The following CEP295 variants were observed in gnomAD, a reference collection of about 807,000 sequenced individuals.
CEP295 encodes centrosomal protein of 295 kDa.
A neutral mutation model predicts 291.6 loss-of-function variants in CEP295; 190 were observed. The observed-to-expected ratio is 0.65, with a 90% CI of 0.58 to 0.73. The LOEUF (loss-of-function observed/expected upper bound fraction) is 0.73, where lower values mean the gene tolerates loss of function less well. Ranked by LOEUF, CEP295 falls within the 30% of genes least tolerant of loss-of-function variation. CEP295 has a pLI of 0.00. For missense variants in CEP295, 2,863 were observed against 2,949.4 expected (o/e 0.97, Z 0.68); for synonymous variants, 993 against 1,038.8 (o/e 0.96, Z 0.85).
At chr11:93,664,845 T>G (rs1237323007) in intron 1 of CEP295, among the ~76,000 whole-genome samples, 2 of 152,210 alleles carry the variant, frequency 1.3e-5, no homozygotes, top group Non-Finnish European at 2.9e-5. Flanking sequence ...TGTGAAATAT[T>G]ACCTGGTAGT....
At chr11:93,669,798 G>A (rs1256032593) in intron 5 of CEP295, 28 bp downstream of exon 5, 3 of 1,383,400 alleles carry the variant, frequency 2.2e-6, no homozygotes, top group Non-Finnish European at 3.0e-6. Flanking sequence ...GAGGAACTAG[G>A]TCATAATTCT....
chr11:93,716,639 C>T (rs1425938962), intron 18 of CEP295, among the ~76,000 whole-genome samples: 1 of 152,212 alleles, frequency 6.6e-6, no homozygotes, highest in African/African-American at 2.4e-5. Context: ...CTTTTATACA[C>T]ACTTCACAAA....
At chr11:93,696,589 C>T (rs1951856096) in intron 14 of CEP295, 93 bp from the exon 15 acceptor site, 1 of 1,217,654 alleles carries the variant, frequency 8.2e-7, no homozygotes, top group Non-Finnish European at 1.1e-6. Flanking sequence ...GTATTGCCAA[C>T]CCTAGATTGC....
At chr11:93,690,348 A>G (rs775141667) in intron 10 of CEP295, among the ~76,000 whole-genome samples, 21 of 152,178 alleles carry the variant, frequency 1.4e-4, no homozygotes, top group Non-Finnish European at 2.2e-4. Flanking sequence ...CGAGGTCAGG[A>G]GATTGAGACC....
At position 93,698,662 on chromosome 11, in the gene CEP295, G is replaced by GT; in HGVS notation, c.3750_3751insT (p.Leu1251SerfsTer6). The GT allele has an allele frequency of 6.4e-7, 1 of 1,550,600 alleles. No individual in the cohort carries two copies. On this transcript the variant is annotated frameshift_variant, in exon 15 of 30. Transcript: ENST00000325212. LOFTEE classifies it high-confidence loss of function. ...GACTTTTGAGAGTTTCACAACATAT[G>GT]CTACCTCTACAAGATAATTTGGAGG...
chr11:93,713,029 A>G (rs1277516924), intron 18 of CEP295, among the ~76,000 whole-genome samples: 2 of 151,886 alleles, frequency 1.3e-5, no homozygotes, highest in Non-Finnish European at 2.9e-5. Context: ...CATTATTTAA[A>G]ACTGATGACA....
chr11:93,677,336 G>C (rs1950743755), intron 6 of CEP295, among the ~76,000 whole-genome samples: 1 of 152,042 alleles, frequency 6.6e-6, no homozygotes, highest in Non-Finnish European at 1.5e-5. Context: ...ACTTTCATTT[G>C]TTCAGTCAGC....
intron 20 of CEP295, chr11:93,722,424 T>C (rs1953808324): frequency 5.3e-6 from 1 of 190,174 alleles, no homozygotes; most frequent in African/African-American, 2.4e-5. Context: ...ATCACGCCAC[T>C]GCACTCCAGC....
chr11:93,668,748 A>G, intron 3 of CEP295, 60 bp from the exon 4 acceptor site: 1 of 1,200,826 alleles, frequency 8.3e-7, no homozygotes, highest in Non-Finnish European at 1.2e-6. Flanking sequence ...CTGATATCAT[A>G]TGAGACACAT....
Position 93,721,357 on chromosome 11 carries a change from A to T in CEP295, c.5795A>T (p.Tyr1932Phe). 1 of 1,562,368 alleles carries T rather than the reference A, an allele frequency of 6.4e-7. No individual in the cohort carries two copies. Among genetic ancestry groups the T allele is most frequent in the Non-Finnish European group, 8.7e-7 (1 of 1,151,406 alleles). Residue 1932 changes from tyrosine to phenylalanine, a missense_variant, in exon 19 of 30, where the codon TAT becomes TTT. This residue lies in a region of CEP295 where 2,295 missense variants were observed against 2,335.7 expected (regional missense o/e 0.98). Coordinates refer to ENST00000325212, the MANE Select transcript of CEP295 (RefSeq NM_033395.2). The part of the protein sequence containing the change: ...SVVENHAVLS[Y>F]AVEEEHAYLG... ...GTTGAAAATCATGCAGTGTTAAGTT[A>T]TGCTGTGGAGGAAGAACATGCATAT...
chr11:93,687,651 G>C lies in CEP295; in HGVS notation c.1122G>C (p.Leu374Phe). ...EICSSETDVP[L>F]VMKTQQIPSK... The stretch of plus-strand genomic sequence containing the variant: ...CCTTTTTCTTTCTTTTAGTTCCCTT[G>C]GTAATGAAGACCCAACAGATTCCTT... The change falls in exon 10 of 30, where the codon TTG becomes TTC. Residue 374 changes from leucine (L) to phenylalanine (F), a missense_variant. Leu to Phe is a conservative substitution (Grantham distance 22). Coordinates refer to ENST00000325212, the MANE Select transcript of CEP295 (RefSeq NM_033395.2). The C allele has an allele frequency of 1.3e-6, 2 of 1,495,940 alleles. No individual in the cohort carries two copies. The allele number at this position is 1,495,940 out of a possible 1,614,324, so 92.7% of individuals were successfully genotyped here. A position where few individuals can be genotyped will look rare whatever the true frequency, so the allele number is the denominator to read the frequency against.
intron 17 of CEP295, among the ~76,000 whole-genome samples, chr11:93,704,561 A>G (rs923948128): frequency 6.6e-6 from 1 of 152,114 alleles, no homozygotes; most frequent in Non-Finnish European, 1.5e-5. Context: ...TAAATAAGTC[A>G]AGACCCCTAG....
chr11:93,691,460 G>A (rs1019897793), intron 10 of CEP295, among the ~76,000 whole-genome samples: 1 of 151,978 alleles, frequency 6.6e-6, no homozygotes, highest in African/African-American at 2.4e-5. Context: ...TATTAAATCA[G>A]TTCTTCACGT....
In CEP295 at chr11:93,729,964, T is replaced by TTAGACC. The variant is rs1938187304; in HGVS notation, c.7662_7663insTAGACC (p.Gly2554_Leu2555insTer). ...CACAGGCTCTAAGGCACCAAAGGGG[T>TTAGACC]CTAAGGTAGGGTTAATTTTTTTTTT... is the stretch of plus-strand genomic sequence containing the variant. On this transcript the variant is annotated stop_gained and inframe_insertion, in exon 28 of 30. Coordinates refer to ENST00000325212, the MANE Select transcript of CEP295 (RefSeq NM_033395.2). LOFTEE classifies it high-confidence loss of function. The TTAGACC allele has an allele frequency of 6.6e-7, 1 of 1,524,076 alleles. No individual in the cohort carries two copies. The highest frequency in any genetic ancestry group is 1.3e-5 in the South Asian group (1 of 78,538). 94.4% of individuals were successfully genotyped at this position (1,524,076 alleles called of 1,614,324 possible). A position where few individuals can be genotyped will look rare whatever the true frequency, so the allele number is the denominator to read the frequency against.
intron 18 of CEP295, among the ~76,000 whole-genome samples, chr11:93,713,400 C>T (rs1953040402): frequency 6.6e-6 from 1 of 152,060 alleles, no homozygotes; most frequent in Admixed American, 6.6e-5. Context: ...TGATTAAATC[C>T]CTCAGCTTTT....
intron 12 of CEP295, 67 bp downstream of exon 12, chr11:93,692,097 C>A: frequency 1.1e-6 from 1 of 890,692 alleles, no homozygotes; most frequent in Non-Finnish European, 1.7e-6. Context: ...TTTTGTTTGG[C>A]CAATGAAATT....
chr11:93,699,749 G>T lies in CEP295; in HGVS notation c.4837G>T (p.Val1613Leu). 1 of 1,552,002 alleles carries T rather than the reference G, an allele frequency of 6.4e-7. No individual in the cohort carries two copies. The highest frequency in any genetic ancestry group is 8.7e-7 in the Non-Finnish European group (1 of 1,147,054). ...MTAQLDAQRE[V>L]MYSYEKPQEE... ...AGCACAATTGGATGCACAAAGGGAA[G>T]TGATGTATTCTTATGAGAAACCCCA... Residue 1613 changes from valine (V) to leucine (L), a missense_variant, in exon 15 of 30, where the codon GTG (valine) becomes TTG (leucine). This residue lies in a region of CEP295 where 2,295 missense variants were observed against 2,335.7 expected (regional missense o/e 0.98). Coordinates refer to ENST00000325212, the MANE Select transcript of CEP295 (RefSeq NM_033395.2).
At chr11:93,675,785 TAATA>T (rs926680968) in intron 6 of CEP295, 119 bp downstream of exon 6, 2 of 466,882 alleles carry the variant, frequency 4.3e-6, no homozygotes, top group Non-Finnish European at 7.2e-6. Flanking sequence ...CAATTGATAA[TAATA>T]ATCAAAACCT....
rs1376191880 is a variant in CEP295 at position 93,684,124 on chromosome 11, A to C, written c.1110A>C (p.Thr370=). The change falls in exon 9 of 30, where the codon ACA becomes ACC. Residue 370 remains threonine, a synonymous_variant. Transcript: ENST00000325212. ...AAGCTGAAATATGTTCTAGTGAAAC[A>C]GATGGTAAAAACCCTTCTGAGCTAA... The part of the protein sequence containing the change: ...VTEAEICSSE[T]DVPLVMKTQQ... 11 of 1,550,780 alleles carry C rather than the reference A, an allele frequency of 7.1e-6. No individual in the cohort carries two copies. The highest frequency in any genetic ancestry group is 9.6e-6 in the Non-Finnish European group (11 of 1,146,680).
Sources: allele counts gnomAD v4.1 joint callset (sites outside exome capture counted in the v4.1 genomes callset), GRCh38; gene constraint gnomAD v4.1.1; regional missense constraint gnomAD v4.1.1; transcripts MANE v1.5; gene names NCBI Gene and HGNC (gene_info 2026-07-23, HGNC 2026-07-21).